The following NKAIN2 variants were observed in gnomAD, a reference collection of about 807,000 sequenced individuals.
The protein encoded by NKAIN2 is sodium/potassium-transporting ATPase subunit beta-1-interacting protein 2.
In NKAIN2, 14 loss-of-function variants were observed where a neutral mutation model predicts 32.6. That is an observed-to-expected ratio of 0.43 (90% CI 0.28 to 0.67). The LOEUF is 0.67. NKAIN2 is among the 30% of genes least tolerant of loss of function. The pLI is 0.17. For synonymous variants in NKAIN2, 80 were observed against 87.2 expected, an observed-to-expected ratio of 0.92 and a Z score of 0.46; for missense variants, 198 against 258.3, an observed-to-expected ratio of 0.77 and a Z score of 1.60.
chr6:124,251,037 A>C lies in NKAIN2; in HGVS notation c.55-31968A>C, dbSNP rs1258117708. Among the ~76,000 whole-genome samples the C allele has an allele frequency of 2.0e-5, 3 of 152,062 alleles. No homozygotes were observed. In the East Asian group the frequency reaches 5.8e-4, roughly 29 times the overall value. ...CAGGTAAACTTTCTAAACAAATAAA[A>C]ATGAAGAATTGAATGGGGAATTTAT... On this transcript the variant is annotated intron_variant, in intron 1 of 6. Transcript: ENST00000368417.
rs187656274 is a variant in NKAIN2 at position 124,522,681 on chromosome 6, A to G, written c.274-135505A>G. On this transcript the variant is annotated intron_variant, in intron 3 of 6. Coordinates refer to ENST00000368417, the MANE Select transcript of NKAIN2 (RefSeq NM_001040214.3). The stretch of plus-strand genomic sequence containing the variant: ...ATCTTATATATGAGTTTGCATTTCC[A>G]TAGGACTCTAGAGTTGATCCACGTT... Among the ~76,000 whole-genome samples, 10 of 152,302 alleles carry G rather than the reference A, an allele frequency of 6.6e-5. No homozygotes were observed. The East Asian group carries it at 1.7e-3, about 27-fold the overall frequency.
At chr6:124,417,436 G>T (rs1774541475) in intron 3 of NKAIN2, among the ~76,000 whole-genome samples, 1 of 152,134 alleles carries the variant, frequency 6.6e-6, no homozygotes, top group African/African-American at 2.4e-5. Context: ...GAGAGAAATA[G>T]ACTGTAATAT....
chr6:124,731,723 G>C (rs1383023853), intron 4 of NKAIN2, among the ~76,000 whole-genome samples: 1 of 150,978 alleles, frequency 6.6e-6, no homozygotes, highest in Non-Finnish European at 1.5e-5. Context: ...AAAAAAAAAA[G>C]AATGTGGAAG....
chr6:124,320,875 T>C (rs1226370719), intron 2 of NKAIN2, among the ~76,000 whole-genome samples: 1 of 152,166 alleles, frequency 6.6e-6, no homozygotes, highest in Non-Finnish European at 1.5e-5. Context: ...TAAACCATAA[T>C]TACTTTAAAA....
chr6:123,891,821 T>G (rs747357463), intron 1 of NKAIN2, among the ~76,000 whole-genome samples: 3 of 152,216 alleles, frequency 2.0e-5, no homozygotes, highest in Non-Finnish European at 4.4e-5. Context: ...TTGCTTTACT[T>G]TTTTTGAAAG....
chr6:123,840,542 A>G (rs1183086556), intron 1 of NKAIN2, among the ~76,000 whole-genome samples: 1 of 152,132 alleles, frequency 6.6e-6, no homozygotes, highest in African/African-American at 2.4e-5. Flanking sequence ...TAACTTCGTT[A>G]TATTTTTATG....
At chr6:123,927,731 A>G (rs1776066707) in intron 1 of NKAIN2, among the ~76,000 whole-genome samples, 1 of 152,164 alleles carries the variant, frequency 6.6e-6, no homozygotes, top group Non-Finnish European at 1.5e-5. Flanking sequence ...TCTTGGATAT[A>G]TTGCCATTGT....
intron 1 of NKAIN2, among the ~76,000 whole-genome samples, chr6:124,228,560 A>G (rs1168885368): frequency 1.3e-5 from 2 of 152,202 alleles, no homozygotes; most frequent in Non-Finnish European, 2.9e-5. Context: ...ACATGAATAT[A>G]TTGAACACAC....
intron 1 of NKAIN2, among the ~76,000 whole-genome samples, chr6:124,027,594 C>G (rs991004600): frequency 1.3e-5 from 2 of 152,138 alleles, no homozygotes; most frequent in East Asian, 3.9e-4. Flanking sequence ...TTTACACATC[C>G]TGTAGTCTCC....
At chr6:123,837,156 A>G (rs1172277255) in intron 1 of NKAIN2, among the ~76,000 whole-genome samples, 2 of 152,094 alleles carry the variant, frequency 1.3e-5, no homozygotes, top group African/African-American at 2.4e-5. Context: ...TTACAAATGT[A>G]TGGTTGGTAT....
At chr6:124,242,576 T>C (rs1793162058) in intron 1 of NKAIN2, among the ~76,000 whole-genome samples, 2 of 152,142 alleles carry the variant, frequency 1.3e-5, no homozygotes, top group South Asian at 4.1e-4. Context: ...ATCATTCTAC[T>C]ATAAAGACAC....
chr6:124,093,750 A>G lies in NKAIN2; in HGVS notation c.55-189255A>G, dbSNP rs112461046. On this transcript the variant is annotated intron_variant, in intron 1 of 6. Transcript: ENST00000368417. ...TAAGCACACTAAAGAATAGGGACTTACAAAACTATCTAAGGGAGCCCGCTA... is the reference window on the plus strand; with the variant it reads ...TAAGCACACTAAAGAATAGGGACTTGCAAAACTATCTAAGGGAGCCCGCTA... Among the ~76,000 whole-genome samples, 1,496 of 152,270 alleles carry G rather than the reference A, an allele frequency of 9.8e-3. 20 individuals are homozygous for G. The highest frequency in any genetic ancestry group is 0.034 in the African/African-American group (1,429 of 41,554).
intron 3 of NKAIN2, among the ~76,000 whole-genome samples, chr6:124,428,937 A>C (rs956116636): frequency 3.3e-5 from 5 of 152,180 alleles, no homozygotes; most frequent in Admixed American, 2.6e-4. Context: ...TTCTCACGGG[A>C]CATGGCTGTA....
At chr6:124,142,844 A>C (rs1787211319) in intron 1 of NKAIN2, among the ~76,000 whole-genome samples, 1 of 152,228 alleles carries the variant, frequency 6.6e-6, no homozygotes, top group Non-Finnish European at 1.5e-5. Flanking sequence ...ATAATCATAT[A>C]AAGTGATAAA....
In NKAIN2 at chr6:123,864,575, G is replaced by A. The variant is rs1010623766; in HGVS notation, c.54+60321G>A. ...GGGAAGGTACATTTTCATTTAGAGC[G>A]GTCAAGGAAAGTATTTGTGGTAAGG... On this transcript the variant is annotated intron_variant, in intron 1 of 6. Transcript: ENST00000368417. Among the ~76,000 whole-genome samples, 5 of 152,062 alleles carry A rather than the reference G, an allele frequency of 3.3e-5. No homozygotes were observed. The South Asian group carries it at 6.2e-4, about 19-fold the overall frequency.
intron 1 of NKAIN2, among the ~76,000 whole-genome samples, chr6:124,046,398 A>G (rs1471644454): frequency 6.6e-6 from 1 of 151,980 alleles, no homozygotes; most frequent in East Asian, 1.9e-4. Flanking sequence ...TAAATACTAA[A>G]TACCATTACC....
intron 1 of NKAIN2, among the ~76,000 whole-genome samples, chr6:123,909,575 T>C (rs183403331): frequency 4.6e-5 from 7 of 152,284 alleles, no homozygotes; most frequent in Admixed American, 6.5e-5. Flanking sequence ...GCACATGCAA[T>C]TGTTTCTTCT....
chr6:124,691,144 C>T (rs1026677636), intron 4 of NKAIN2, among the ~76,000 whole-genome samples: 12 of 152,170 alleles, frequency 7.9e-5, no homozygotes, highest in African/African-American at 2.7e-4. Context: ...TTATTCCAAG[C>T]ATGTCATTAC....
intron 4 of NKAIN2, chr6:124,658,688 G>T (rs927317030): frequency 7.3e-5 from 41 of 564,512 alleles, no homozygotes; most frequent in Non-Finnish European, 1.1e-4. Flanking sequence ...ATTCTGAAGG[G>T]ATGATCAGAG....
Sources: allele counts gnomAD v4.1 joint callset (sites outside exome capture counted in the v4.1 genomes callset), GRCh38; gene constraint gnomAD v4.1.1; transcripts MANE v1.5; gene names NCBI Gene and HGNC (gene_info 2026-07-23, HGNC 2026-07-21).